TXNDC16: variants seen among roughly 807,000 people sequenced by gnomAD.
TXNDC16 encodes the protein thioredoxin domain-containing protein 16.
A neutral mutation model predicts 85.6 loss-of-function variants in TXNDC16; 74 were observed. The observed-to-expected ratio is 0.86, with a 90% CI of 0.72 to 1.05. The LOEUF is 1.05. TXNDC16 is among the 50% of genes least tolerant of loss of function. The pLI, the probability that TXNDC16 is intolerant of heterozygous loss-of-function variation, is 0.00. For synonymous variants in TXNDC16, 335 were observed against 326.5 expected (o/e 1.03, Z -0.28); for missense variants, 959 against 947.0 (o/e 1.01, Z -0.17).
At chr14:52,465,132 T>C (rs1313611026) in intron 16 of TXNDC16, among the ~76,000 whole-genome samples, 1 of 152,212 alleles carries the variant, frequency 6.6e-6, no homozygotes. Context: ...AAATTTAATA[T>C]GTAGTTAATA....
intron 9 of TXNDC16, 99 bp from the exon 10 acceptor site, chr14:52,491,104 A>C: frequency 1.5e-6 from 2 of 1,350,752 alleles, no homozygotes; most frequent in Non-Finnish European, 2.0e-6. Flanking sequence ...TGAGTAAAAA[A>C]AAGTGTAAAA....
chr14:52,491,094 T>C, intron 9 of TXNDC16, 89 bp from the exon 10 acceptor site: 3 of 1,412,634 alleles, frequency 2.1e-6, no homozygotes, highest in South Asian at 3.0e-5. Flanking sequence ...AATAAAGTCA[T>C]GAGTAAAAAA....
intron 6 of TXNDC16, among the ~76,000 whole-genome samples, chr14:52,534,978 G>T (rs2037666055): frequency 6.6e-6 from 1 of 152,026 alleles, no homozygotes; most frequent in Non-Finnish European, 1.5e-5. Flanking sequence ...TAGATAACAG[G>T]GTCCTCGGTC....
chr14:52,505,677 C>T (rs1334893479), intron 9 of TXNDC16, among the ~76,000 whole-genome samples: 1 of 152,120 alleles, frequency 6.6e-6, no homozygotes, highest in African/African-American at 2.4e-5. Context: ...AGAGCAAACA[C>T]ATTCAAAAGC....
chr14:52,451,871 T>A (rs146273316), intron 18 of TXNDC16, among the ~76,000 whole-genome samples: 1,594 of 152,266 alleles, frequency 0.01, 95 homozygotes, highest in Admixed American at 0.097. Flanking sequence ...ATAATAGGCA[T>A]CCAAATTGGA....
rs753056006 is a variant in TXNDC16, at chr14:52,536,765, T to C, written c.346A>G (p.Thr116Ala). ...KGNILLREFP[T>A]DTLFDVNAIV... ...GCATTCACATCAAACAAGGTGTCAG[T>C]AGGGAATTCTCTGAGCAATATGTTG... The change falls in exon 6 of 21, where the codon ACT (threonine) becomes GCT (alanine). Residue 116 changes from threonine to alanine, a missense_variant. Transcript: ENST00000281741. 3.1e-6 allele frequency: 5 copies of C among 1,611,756 alleles called. No homozygotes were observed. The highest frequency in any genetic ancestry group is 1.3e-5 in the African/African-American group (1 of 74,866).
chr14:52,444,740 C>T (rs1020485421), intron 18 of TXNDC16, among the ~76,000 whole-genome samples: 1 of 152,000 alleles, frequency 6.6e-6, no homozygotes, highest in Non-Finnish European at 1.5e-5. Flanking sequence ...TAAAATGATA[C>T]AAATCTTCTG....
At chr14:52,514,840 A>G in intron 8 of TXNDC16, 40 bp downstream of exon 8, 2 of 1,504,298 alleles carry the variant, frequency 1.3e-6, no homozygotes, top group Non-Finnish European at 1.8e-6. Context: ...AGAAGAAAAA[A>G]AAAACCTTTA....
chr14:52,530,285 A>ATTATTATTTAATATAT (rs1400120005), intron 6 of TXNDC16, among the ~76,000 whole-genome samples: 1 of 43,430 alleles, frequency 2.3e-5, no homozygotes, highest in Non-Finnish European at 3.4e-5. Context: ...TTTAATATAT[A>ATTATTATTTAATATAT]ATTATTATAT....
chr14:52,510,116 A>C (rs1449059630), intron 9 of TXNDC16, among the ~76,000 whole-genome samples: 3 of 152,242 alleles, frequency 2.0e-5, no homozygotes, highest in African/African-American at 7.2e-5. Flanking sequence ...AATATACAGA[A>C]TATAAATATC....
Position 52,537,601 on chromosome 14 carries a change from G to C in TXNDC16, c.315C>G (p.Phe105Leu), listed in dbSNP as rs925366804. ...GCACACTCAGGAAAATAGCTTACTT[G>C]AATAAATATGCTTTCATCAAATCCT... The part of the protein sequence containing the change: ...KEKDLMKAYL[F>L]KGNILLREFP... Residue 105 changes from phenylalanine (F) to leucine (L), a missense_variant and splice_region_variant, in exon 5 of 21, where the codon TTC (phenylalanine) becomes TTG (leucine). Transcript: ENST00000281741. 6.3e-7 allele frequency: 1 copy of C among 1,576,408 alleles called. No homozygotes were observed. The highest frequency in any genetic ancestry group is 2.2e-5 in the East Asian group (1 of 44,566).
chr14:52,531,098 G>A (rs1017701220), intron 6 of TXNDC16, among the ~76,000 whole-genome samples: 2 of 151,990 alleles, frequency 1.3e-5, no homozygotes, highest in East Asian at 1.9e-4. Context: ...AAGTCATCAG[G>A]GAAATGCAAA....
intron 16 of TXNDC16, among the ~76,000 whole-genome samples, chr14:52,458,597 T>A (rs1313080402): frequency 1.3e-5 from 2 of 152,138 alleles, no homozygotes; most frequent in Non-Finnish European, 2.9e-5. Flanking sequence ...TATTAAAATA[T>A]TTTTTTAGCC....
At chr14:52,515,421 T>G (rs995592390) in intron 7 of TXNDC16, among the ~76,000 whole-genome samples, 2 of 151,890 alleles carry the variant, frequency 1.3e-5, no homozygotes, top group Non-Finnish European at 2.9e-5. Flanking sequence ...TTCTTTCCAG[T>G]AGTAGGGAAG....
intron 18 of TXNDC16, among the ~76,000 whole-genome samples, chr14:52,451,928 A>C (rs2035421956): frequency 6.6e-6 from 1 of 152,202 alleles, no homozygotes; most frequent in South Asian, 2.1e-4. Context: ...ATAATCCTAT[A>C]TTTGGAAAAA....
At chr14:52,548,953 T>C (rs901653380) in intron 1 of TXNDC16, among the ~76,000 whole-genome samples, 1 of 152,182 alleles carries the variant, frequency 6.6e-6, no homozygotes, top group African/African-American at 2.4e-5. Context: ...TATAACCCAG[T>C]CTAGCACTAT....
intron 13 of TXNDC16, among the ~76,000 whole-genome samples, 162 bp downstream of exon 13, chr14:52,482,660 C>T (rs1594716105): frequency 6.6e-6 from 1 of 152,220 alleles, no homozygotes. Context: ...AAATCAATTG[C>T]ACAATCCCAG....
intron 5 of TXNDC16, among the ~76,000 whole-genome samples, chr14:52,537,052 A>C (rs951099068): frequency 6.4e-5 from 9 of 141,600 alleles, no homozygotes; most frequent in Non-Finnish European, 1.4e-4. Flanking sequence ...GATTCCTACC[A>C]GTCTCCCCAA....
At chr14:52,540,973 T>C (rs1046017501) in intron 4 of TXNDC16, among the ~76,000 whole-genome samples, 3 of 152,120 alleles carry the variant, frequency 2.0e-5, no homozygotes, top group East Asian at 3.9e-4. Flanking sequence ...CAGTGGCTCA[T>C]GCCTGTAATC....
Sources: gnomAD v4.1 joint callset for allele counts (sites outside exome capture counted in the v4.1 genomes callset) on GRCh38, gnomAD v4.1.1 for gene constraint, MANE v1.5 for transcripts, NCBI Gene and HGNC (gene_info 2026-07-23, HGNC 2026-07-21) for gene names.